The following BEND4 variants were observed in gnomAD, a reference collection of about 807,000 sequenced individuals.
BEND4 encodes BEN domain containing 4, also known as BEN domain-containing protein 4.
BEND4 carries 27 observed loss-of-function variants against 54.7 expected under a neutral mutation model. The observed-to-expected ratio is 0.49, with a 90% CI of 0.36 to 0.68. The LOEUF (loss-of-function observed/expected upper bound fraction) is 0.68, where lower values mean the gene tolerates loss of function less well. Ranked by LOEUF, BEND4 falls within the 30% of genes least tolerant of loss-of-function variation. The probability of loss-of-function intolerance (pLI) is 0.00; values close to 1 mark genes in which losing one functional copy is unlikely to be tolerated. For missense variants in BEND4, 702 were observed against 697.2 expected, an observed-to-expected ratio of 1.01 and a Z score of -0.08; for synonymous variants, 327 against 299.5, an observed-to-expected ratio of 1.09 and a Z score of -0.95.
intron 3 of BEND4, among the ~76,000 whole-genome samples, chr4:42,130,613 T>C (rs1720474084): frequency 6.6e-6 from 1 of 151,800 alleles, no homozygotes. Context: ...ACACTGTTGG[T>C]GGGAAAGCAA....
intron 2 of BEND4, among the ~76,000 whole-genome samples, chr4:42,149,084 T>A (rs1156524672): frequency 6.6e-6 from 1 of 152,256 alleles, no homozygotes; most frequent in African/African-American, 2.4e-5. Context: ...CTTCTGTCCT[T>A]GACTCATTTC....
chr4:42,150,738 G>A (rs1721238331), intron 2 of BEND4, among the ~76,000 whole-genome samples: 1 of 152,242 alleles, frequency 6.6e-6, no homozygotes, highest in Non-Finnish European at 1.5e-5. Flanking sequence ...GGCAGGCAGT[G>A]GGCTGCTTTG....
At chr4:42,124,925 G>A (rs1321665395) in intron 4 of BEND4, among the ~76,000 whole-genome samples, 1 of 152,176 alleles carries the variant, frequency 6.6e-6, no homozygotes, top group Non-Finnish European at 1.5e-5. Context: ...CAGCAGAAGA[G>A]AAGGAGAATC....
Position 42,120,148 on chromosome 4 carries a change from T to C in BEND4, c.1293A>G (p.Ser431=). 6.2e-7 allele frequency: 1 copy of C among 1,614,026 alleles called. No homozygotes were observed. Among genetic ancestry groups the C allele is most frequent in the Non-Finnish European group, 8.5e-7 (1 of 1,179,886 alleles). The stretch of plus-strand genomic sequence containing the variant: ...ACCTTTTCCTTTTCCCAAGGCCGCA[T>C]GAGTACTTAAGCTCATCGGTTGTGA... ...FVFTTDELKY[S]CGLGKRKRSV... is the part of the protein sequence containing the mutation. The change falls in exon 5 of 6, where the codon TCA becomes TCG. Residue 431 remains serine, a synonymous_variant. Transcript: ENST00000502486.
At chr4:42,125,228 G>A (rs1244605177) in intron 4 of BEND4, among the ~76,000 whole-genome samples, 2 of 152,216 alleles carry the variant, frequency 1.3e-5, no homozygotes, top group East Asian at 1.9e-4. Flanking sequence ...CATGCCCAGT[G>A]TGTGAGGTGC....
In BEND4 at chr4:42,152,144, C is replaced by A. The variant is rs1208780925; in HGVS notation, c.-1G>T. ...CTGCCGGCTGCATCTCTTCCTCCAT[C>A]CGGCGCCTCGGGGCCGGTCCCTCGG... is the stretch of plus-strand genomic sequence containing the variant. On this transcript the variant is annotated 5_prime_UTR_variant, in exon 2 of 6. Transcript: ENST00000502486. The A allele has an allele frequency of 1.6e-6, 2 of 1,243,178 alleles. No homozygotes were observed. Among genetic ancestry groups the A allele is most frequent in the Non-Finnish European group, 2.0e-6 (2 of 985,414 alleles). The allele number at this position is 1,243,178 out of a possible 1,614,324, so 77.0% of individuals were successfully genotyped here.
At chr4:42,123,705 A>AAAAAACAAAAACAAC (rs1720155101) in intron 4 of BEND4, among the ~76,000 whole-genome samples, 2 of 144,908 alleles carry the variant, frequency 1.4e-5, no homozygotes, top group Non-Finnish European at 1.5e-5. Flanking sequence ...AAAAAAAAAA[A>AAAAAACAAAAACAAC]AAAAAAAAAA....
At chr4:42,123,532 C>A (rs1720141845) in intron 4 of BEND4, among the ~76,000 whole-genome samples, 1 of 151,754 alleles carries the variant, frequency 6.6e-6, no homozygotes, top group African/African-American at 2.4e-5. Context: ...TTGTGCCACA[C>A]AGGCACAAAG....
At position 42,143,823 on chromosome 4, in the gene BEND4, C is replaced by T. The variant is rs755968735; in HGVS notation, c.659G>A (p.Gly220Glu). The change falls in exon 3 of 6, where the codon GGG (glycine) becomes GAG (glutamate). Residue 220 changes from glycine (G) to glutamate (E), a missense_variant. Transcript: ENST00000502486. Reference sequence around the variant, plus strand: ...ATTGTCTGAGGTCTGACTGTGGACCCCTTTCCCAATGTGACAGTGCTCCTG... The same window carrying T: ...ATTGTCTGAGGTCTGACTGTGGACCTCTTTCCCAATGTGACAGTGCTCCTG... ...ERQEHCHIGK[G>E]VHSQTSDNVD... The T allele has an allele frequency of 1.3e-6, 2 of 1,586,274 alleles. No individual in the cohort carries two copies. Among genetic ancestry groups the T allele is most frequent in the Non-Finnish European group, 1.7e-6 (2 of 1,167,338 alleles).
rs926870681 is a variant in BEND4, at chr4:42,116,908, G to C, written c.*610C>G. 6.6e-6 allele frequency: 1 copy of C among 152,196 alleles called. No homozygotes were observed. Among genetic ancestry groups the C allele is most frequent in the African/African-American group, 2.4e-5 (1 of 41,444 alleles). The allele number at this position is 152,196 out of a possible 1,614,324, so 9.4% of individuals were successfully genotyped here. A position where few individuals can be genotyped will look rare whatever the true frequency, so the allele number is the denominator to read the frequency against. On this transcript the variant is annotated 3_prime_UTR_variant, in exon 6 of 6. Transcript: ENST00000502486. ...TAGTGCCTTCTTGATCAACACAGTG[G>C]TTTTTAAACAACAGAAAAACAGTTG...
rs943901356 is a variant in BEND4, at chr4:42,113,218, C to T, written c.*4300G>A. ...GTATATATGAGCTGTCAAAAATTAA[C>T]GCAGATCTGTACTGTGAAATGACAC... On this transcript the variant is annotated 3_prime_UTR_variant, in exon 6 of 6. Coordinates refer to ENST00000502486, the MANE Select transcript of BEND4 (RefSeq NM_207406.4). 6.6e-6 allele frequency: 1 copy of T among 152,142 alleles called. No individual in the cohort carries two copies. The highest frequency in any genetic ancestry group is 1.5e-5 in the Non-Finnish European group (1 of 68,034). The allele number at this position is 152,142 out of a possible 1,614,324, so 9.4% of individuals were successfully genotyped here.
chr4:42,141,768 A>T (rs1190137704), intron 3 of BEND4, among the ~76,000 whole-genome samples: 1 of 152,146 alleles, frequency 6.6e-6, no homozygotes. Context: ...AAAAGGATAT[A>T]ACTTATATTT....
chr4:42,152,320 C>A lies in BEND4; in HGVS notation c.-177G>T, dbSNP rs1721335946. ...TGTCGCTGAGGCTGGCATCGCCGAG[C>A]CCCCGCGCGGGGGGCTGCCGCCCGA... On this transcript the variant is annotated 5_prime_UTR_variant, in exon 2 of 6. Transcript: ENST00000502486. 3 of 492,446 alleles carry A rather than the reference C, an allele frequency of 6.1e-6. No individual in the cohort carries two copies. The highest frequency in any genetic ancestry group is 2.0e-5 in the African/African-American group (1 of 49,484). 30.5% of individuals were successfully genotyped at this position (492,446 alleles called of 1,614,324 possible). A position where few individuals can be genotyped will look rare whatever the true frequency, so the allele number is the denominator to read the frequency against.
At chr4:42,147,487 T>A (rs1721117467) in intron 2 of BEND4, among the ~76,000 whole-genome samples, 1 of 149,118 alleles carries the variant, frequency 6.7e-6, no homozygotes, top group African/African-American at 2.5e-5. Flanking sequence ...TTAACTTTTT[T>A]TTTTTTTTTT....
At chr4:42,118,974 T>G (rs1485661806) in intron 5 of BEND4, among the ~76,000 whole-genome samples, 1 of 152,196 alleles carries the variant, frequency 6.6e-6, no homozygotes, top group Non-Finnish European at 1.5e-5. Flanking sequence ...TCCTGAATCG[T>G]GGGCCATGTG....
At chr4:42,128,097 G>A (rs1720354194) in intron 3 of BEND4, among the ~76,000 whole-genome samples, 1 of 152,134 alleles carries the variant, frequency 6.6e-6, no homozygotes, top group African/African-American at 2.4e-5. Flanking sequence ...GCATTTCAGG[G>A]CTGCAACAAG....
At chr4:42,119,189 C>A (rs895018455) in intron 5 of BEND4, among the ~76,000 whole-genome samples, 1 of 152,084 alleles carries the variant, frequency 6.6e-6, no homozygotes, top group South Asian at 2.1e-4. Context: ...ATAACTAGGG[C>A]CTTAGCAGTG....
Position 42,116,198 on chromosome 4 carries a change from G to C in BEND4, c.*1320C>G, listed in dbSNP as rs1225611804. On this transcript the variant is annotated 3_prime_UTR_variant, in exon 6 of 6. Coordinates refer to ENST00000502486, the MANE Select transcript of BEND4 (RefSeq NM_207406.4). ...GTCATGTCTGTAGATGACATTAGTAGCCTTCAATAAACGCTGTCCATTTAG... is the reference window on the plus strand; with the variant it reads ...GTCATGTCTGTAGATGACATTAGTACCCTTCAATAAACGCTGTCCATTTAG... 1 of 152,162 alleles carries C rather than the reference G, an allele frequency of 6.6e-6. No individual in the cohort carries two copies. The highest frequency in any genetic ancestry group is 1.5e-5 in the Non-Finnish European group (1 of 68,038). 9.4% of individuals were successfully genotyped at this position (152,162 alleles called of 1,614,324 possible).
At chr4:42,117,821 T>G in intron 5 of BEND4, 86 bp from the exon 6 acceptor site, 1 of 851,762 alleles carries the variant, frequency 1.2e-6, no homozygotes, top group African/African-American at 1.7e-5. Flanking sequence ...CTGCTTAAAC[T>G]TTAACAGAAG....
Sources: allele counts gnomAD v4.1 joint callset (sites outside exome capture counted in the v4.1 genomes callset), GRCh38; gene constraint gnomAD v4.1.1; transcripts MANE v1.5; gene names NCBI Gene and HGNC (gene_info 2026-07-23, HGNC 2026-07-21).